The following EXD3 variants were observed in gnomAD, a reference collection of about 807,000 sequenced individuals.
EXD3 encodes exonuclease mut-7 homolog.
In EXD3, 92 loss-of-function variants were observed where a neutral mutation model predicts 98.0. That is an observed-to-expected ratio of 0.94 (90% CI 0.79 to 1.12). The LOEUF (loss-of-function observed/expected upper bound fraction) is 1.12, where lower values mean the gene tolerates loss of function less well. EXD3 is among the 50% of genes most tolerant of loss of function. The probability of loss-of-function intolerance (pLI) is 0.00; values close to 1 mark genes in which losing one functional copy is unlikely to be tolerated. For synonymous variants in EXD3, 569 were observed against 526.0 expected (o/e 1.08, Z -1.12); for missense variants, 1,222 against 1,191.6 (o/e 1.03, Z -0.38).
chr9:137,372,881 A>G (rs1835703407), intron 5 of EXD3, 24 bp downstream of exon 5: 1 of 1,595,980 alleles, frequency 6.3e-7, no homozygotes. Context: ...TTTCCCCATG[A>G]GCCCGGCCAC....
In EXD3 at chr9:137,337,039, G is replaced by A. The variant is rs534876928; in HGVS notation, c.1998+11032C>T. ...CACACCTACTATATAAAAGAAGGTTGAAAGTAAAAGGATGAAAAAGTGCTT... is the reference window on the plus strand; with the variant it reads ...CACACCTACTATATAAAAGAAGGTTAAAAGTAAAAGGATGAAAAAGTGCTT... On this transcript the variant is annotated intron_variant, in intron 17 of 21. Coordinates refer to ENST00000340951, the MANE Select transcript of EXD3 (RefSeq NM_017820.5). 2.0e-5 allele frequency among the ~76,000 whole-genome samples: 3 copies of A among 152,186 alleles called. No individual in the cohort carries two copies. In the South Asian group the frequency reaches 6.2e-4, roughly 32 times the overall value.
At position 137,347,981 on chromosome 9, in the gene EXD3, G is replaced by C; in HGVS notation, c.1998+90C>G. ...ACAGCTGGCAGCCATGGATGAGCTG[G>C]AGGGAGGAGTTTGATGCTAGGGGTG... On this transcript the variant is annotated intron_variant, in intron 17 of 21. Transcript: ENST00000340951. This position sits in a 1 kb window ranked among gnomAD's most constrained non-coding sequence, Gnocchi z 4.2. The C allele has an allele frequency of 7.1e-7, 1 of 1,410,446 alleles. No individual in the cohort carries two copies. Among genetic ancestry groups the C allele is most frequent in the South Asian group, 1.4e-5 (1 of 72,546 alleles). 87.4% of individuals were successfully genotyped at this position (1,410,446 alleles called of 1,614,324 possible).
At chr9:137,378,334 A>G (rs1017509998) in intron 3 of EXD3, among the ~76,000 whole-genome samples, 8 of 152,116 alleles carry the variant, frequency 5.3e-5, no homozygotes, top group Non-Finnish European at 1.0e-4. Context: ...TCAGCCTCGC[A>G]AATAGCAGGG....
chr9:137,340,565 G>A (rs1308070661), intron 17 of EXD3, among the ~76,000 whole-genome samples: 1 of 151,492 alleles, frequency 6.6e-6, no homozygotes. Flanking sequence ...TTGCTGTGTT[G>A]CCCAGGCTGG....
chr9:137,416,591 T>G (rs528712994), intron 1 of EXD3, among the ~76,000 whole-genome samples: 2 of 151,916 alleles, frequency 1.3e-5, no homozygotes, highest in African/African-American at 4.8e-5. Context: ...CCAAAGGTCC[T>G]CTCCACCCAG....
intron 1 of EXD3, among the ~76,000 whole-genome samples, chr9:137,418,645 T>G (rs956128283): frequency 5.9e-5 from 9 of 152,202 alleles, no homozygotes; most frequent in African/African-American, 2.2e-4. Flanking sequence ...CTGAAACTAC[T>G]AAATATAAGA....
rs1311907397 is a variant in EXD3, at chr9:137,405,718, AAG to A, written c.-47-10316_-47-10315del. ...TTCTTACATCACATTGAAGTAGATC[AAG>A]TTCCTGATAAATGTTAGAGTTAGCC... On this transcript the variant is annotated intron_variant, in intron 1 of 21. Transcript: ENST00000340951. The surrounding 1 kb of genome is among the most constrained non-coding windows in gnomAD (Gnocchi z 4.1). Among the ~76,000 whole-genome samples, 1 of 152,202 alleles carries A rather than the reference AAG, an allele frequency of 6.6e-6. No homozygotes were observed. The highest frequency in any genetic ancestry group is 2.4e-5 in the African/African-American group (1 of 41,450).
chr9:137,368,893 CGGG>C (rs1298240831), intron 5 of EXD3, among the ~76,000 whole-genome samples: 1 of 109,812 alleles, frequency 9.1e-6, no homozygotes, highest in Admixed American at 9.4e-5. Flanking sequence ...AGGTCCGGGG[CGGG>C]GCCCCAGGGC....
chr9:137,349,628 G>A lies in EXD3; in HGVS notation c.1495-97C>T. The A allele has an allele frequency of 7.8e-7, 1 of 1,288,134 alleles. No individual in the cohort carries two copies. The highest frequency in any genetic ancestry group is 1.7e-5 in the South Asian group (1 of 60,326). 79.8% of individuals were successfully genotyped at this position (1,288,134 alleles called of 1,614,324 possible). On this transcript the variant is annotated intron_variant, in intron 14 of 21. Coordinates refer to ENST00000340951, the MANE Select transcript of EXD3 (RefSeq NM_017820.5). This position sits in a 1 kb window ranked among gnomAD's most constrained non-coding sequence, Gnocchi z 7.4. ...CCAGCCCTGCGGGGGCTCTGGAGGAGGCCCCGCCCCCTCCACCAGCGGCCC... is the reference window on the plus strand; with the variant it reads ...CCAGCCCTGCGGGGGCTCTGGAGGAAGCCCCGCCCCCTCCACCAGCGGCCC...
intron 1 of EXD3, among the ~76,000 whole-genome samples, chr9:137,414,492 G>A (rs2131833012): frequency 6.6e-6 from 1 of 152,300 alleles, no homozygotes; most frequent in Non-Finnish European, 1.5e-5. Context: ...GAGCTGCTGA[G>A]TCTCGGTGTT....
rs1832280938 is a variant in EXD3 at position 137,324,519 on chromosome 9, A to C, written c.1999-376T>G. On this transcript the variant is annotated intron_variant, in intron 17 of 21. Transcript: ENST00000340951. This position sits in a 1 kb window ranked among gnomAD's most constrained non-coding sequence, Gnocchi z 4.1. ...ACTTGCCCCTAGCTCATAGGGAGCC[A>C]ACTACACATCAAAAATGAAGAAAAC... 6.6e-6 allele frequency among the ~76,000 whole-genome samples: 1 copy of C among 152,174 alleles called. No homozygotes were observed.
chr9:137,335,519 A>G (rs1361013769), intron 17 of EXD3, among the ~76,000 whole-genome samples: 6 of 152,096 alleles, frequency 3.9e-5, no homozygotes, highest in Non-Finnish European at 5.9e-5. Flanking sequence ...TCTCTGCTAA[A>G]AATACAAAAA....
rs1005341569 is a variant in EXD3, at chr9:137,393,326, G to A, written c.55+1977C>T. ...CGGCGGTCTCCAGGGGAGGTAACAG[G>A]GCCTCATCCCACACAGGTGCAGGCC... On this transcript the variant is annotated intron_variant, in intron 2 of 21. Transcript: ENST00000340951. The surrounding 1 kb of genome is among the most constrained non-coding windows in gnomAD (Gnocchi z 4.6). The A allele has an allele frequency of 1.4e-6, 1 of 689,700 alleles. No homozygotes were observed. The highest frequency in any genetic ancestry group is 1.8e-5 in the African/African-American group (1 of 56,968). The allele number at this position is 689,700 out of a possible 1,614,324, so 42.7% of individuals were successfully genotyped here. A position where few individuals can be genotyped will look rare whatever the true frequency, so the allele number is the denominator to read the frequency against.
At chr9:137,368,075 C>A in intron 5 of EXD3, 86 bp from the exon 6 acceptor site, 1 of 1,121,452 alleles carries the variant, frequency 8.9e-7, no homozygotes. Flanking sequence ...CCCTTTTGCA[C>A]CAGCACCTGG....
At chr9:137,332,767 C>T (rs1833152956) in intron 17 of EXD3, among the ~76,000 whole-genome samples, 1 of 152,186 alleles carries the variant, frequency 6.6e-6, no homozygotes, top group South Asian at 2.1e-4. Context: ...ATCCCTTGAA[C>T]CCAGGAGGCG....
Position 137,332,432 on chromosome 9 carries a change from C to CA in EXD3, c.1999-8290dup, listed in dbSNP as rs1341349355. ...GTGAAACCCCATCTCTACTAAAATA[C>CA]AAAAAATTACCGGGCATGGTAGTGG... On this transcript the variant is annotated intron_variant, in intron 17 of 21. Transcript: ENST00000340951. Among the ~76,000 whole-genome samples, 8 of 151,576 alleles carry CA rather than the reference C, an allele frequency of 5.3e-5. No individual in the cohort carries two copies. The East Asian group carries it at 7.8e-4, about 15-fold the overall frequency.
rs1834312806 is a variant in EXD3, at chr9:137,351,653, G to A, written c.1174-125C>T. Reference sequence around the variant, plus strand: ...GGGAGACGCCCCTGCACCCCTGCATGTTTATAGGGCTGGGGCTGTTGGGGG... The same window carrying A: ...GGGAGACGCCCCTGCACCCCTGCATATTTATAGGGCTGGGGCTGTTGGGGG... On this transcript the variant is annotated intron_variant, in intron 12 of 21. Transcript: ENST00000340951. The A allele has an allele frequency of 9.2e-6, 8 of 869,318 alleles. No homozygotes were observed. In the South Asian group the frequency reaches 1.3e-4, roughly 15 times the overall value. 53.9% of individuals were successfully genotyped at this position (869,318 alleles called of 1,614,324 possible).
intron 19 of EXD3, among the ~76,000 whole-genome samples, chr9:137,314,975 G>A (rs578039460): frequency 6.6e-6 from 1 of 152,322 alleles, no homozygotes; most frequent in Admixed American, 6.5e-5. Context: ...GTCAGGGTGT[G>A]AGCCAGGAAG....
At position 137,407,128 on chromosome 9, in the gene EXD3, C is replaced by A. The variant is rs1408957571; in HGVS notation, c.-47-11724G>T. Among the ~76,000 whole-genome samples, 1 of 152,154 alleles carries A rather than the reference C, an allele frequency of 6.6e-6. No individual in the cohort carries two copies. The highest frequency in any genetic ancestry group is 2.4e-5 in the African/African-American group (1 of 41,438). ...GGAGCAGCCAGTCCCGGGCACCCCA[C>A]GCCGACCGCCGCGCGTCCGGGCCGG... is the stretch of plus-strand genomic sequence containing the variant. On this transcript the variant is annotated intron_variant, in intron 1 of 21. Transcript: ENST00000340951. This position sits in a 1 kb window ranked among gnomAD's most constrained non-coding sequence, Gnocchi z 4.4.
Sources: gnomAD v4.1 joint callset for allele counts (sites outside exome capture counted in the v4.1 genomes callset) on GRCh38, gnomAD v4.1.1 for gene constraint, Gnocchi (gnomAD v3.1) non-coding constraint, MANE v1.5 for transcripts, NCBI Gene and HGNC (gene_info 2026-07-23, HGNC 2026-07-21) for gene names.